The following SOX6 variants were observed in gnomAD, a reference collection of about 807,000 sequenced individuals.
SOX6 encodes SRY-box transcription factor 6, also known as transcription factor SOX-6.
Under a neutral mutation model 97.8 loss-of-function variants are expected in SOX6, and 11 were observed. The ratio of observed to expected loss-of-function variants is 0.11; its 90% CI spans 0.07 to 0.19. SOX6 has a LOEUF of 0.19. Ranked by LOEUF, SOX6 falls within the 10% of genes least tolerant of loss-of-function variation. The pLI is 1.00. For synonymous variants in SOX6, 360 were observed against 371.4 expected, an observed-to-expected ratio of 0.97 and a Z score of 0.35; for missense variants, 810 against 1,039.5, an observed-to-expected ratio of 0.78 and a Z score of 3.04.
At chr11:16,365,404 G>C (rs544684388) in intron 1 of SOX6, among the ~76,000 whole-genome samples, 2 of 151,930 alleles carry the variant, frequency 1.3e-5, no homozygotes, top group South Asian at 2.1e-4. Context: ...AGAGGGCTTA[G>C]AACTTCAGGG....
chr11:16,454,433 A>G (rs1859776898), intron 1 of SOX6, among the ~76,000 whole-genome samples: 1 of 152,064 alleles, frequency 6.6e-6, no homozygotes, highest in South Asian at 2.1e-4. Flanking sequence ...TCATTCATAA[A>G]ATATTCAAGC....
intron 2 of SOX6, among the ~76,000 whole-genome samples, chr11:16,338,205 C>T (rs190211793): frequency 4.6e-5 from 7 of 151,968 alleles, no homozygotes; most frequent in African/African-American, 7.2e-5. Flanking sequence ...CTATTTTTTG[C>T]GACTCTAAGT....
At chr11:16,278,631 A>T (rs1364208319) in intron 3 of SOX6, among the ~76,000 whole-genome samples, 2 of 151,956 alleles carry the variant, frequency 1.3e-5, no homozygotes, top group Non-Finnish European at 1.5e-5. Flanking sequence ...TCAAGTTTAG[A>T]GCTTGATTAA....
At chr11:16,341,428 T>C (rs1481803791) in intron 1 of SOX6, among the ~76,000 whole-genome samples, 176 bp from the exon 2 acceptor site, 1 of 152,138 alleles carries the variant, frequency 6.6e-6, no homozygotes, top group Non-Finnish European at 1.5e-5. Context: ...TTTCCCTCTT[T>C]GCTTTTAACT....
At chr11:16,271,257 T>C (rs1311210999) in intron 3 of SOX6, among the ~76,000 whole-genome samples, 1 of 151,558 alleles carries the variant, frequency 6.6e-6, no homozygotes, top group East Asian at 1.9e-4. Context: ...ATTAATGTGG[T>C]ATTTGATTAT....
intron 1 of SOX6, among the ~76,000 whole-genome samples, chr11:16,366,887 C>A (rs1016154058): frequency 2.0e-5 from 3 of 152,120 alleles, no homozygotes; most frequent in African/African-American, 7.2e-5. Flanking sequence ...TACAAGCCTT[C>A]ATCGAAGTGA....
intron 3 of SOX6, among the ~76,000 whole-genome samples, chr11:16,304,442 A>T (rs2134279033): frequency 6.6e-6 from 1 of 152,278 alleles, no homozygotes; most frequent in Admixed American, 6.5e-5. Context: ...AGAATGCAGC[A>T]ACAAGGCACT....
intron 9 of SOX6, among the ~76,000 whole-genome samples, chr11:16,070,016 G>A (rs920030123): frequency 4.6e-5 from 7 of 152,148 alleles, no homozygotes; most frequent in South Asian, 2.1e-4. Context: ...TTAGCCAGGC[G>A]TGGTGGCGGG....
At chr11:16,704,180 T>C (rs1848114589) in intron 3 of SOX6, among the ~76,000 whole-genome samples, 2 of 152,232 alleles carry the variant, frequency 1.3e-5, no homozygotes, top group Admixed American at 6.5e-5. Context: ...TTGTAATCAA[T>C]TCAGCTAAAA....
chr11:16,662,762 T>C (rs903466694), intron 3 of SOX6, among the ~76,000 whole-genome samples: 6 of 152,206 alleles, frequency 3.9e-5, no homozygotes, highest in African/African-American at 7.2e-5. Flanking sequence ...GGCATAATCA[T>C]GGTTCACTGC....
At chr11:16,680,785 C>CA (rs1192241299) in intron 3 of SOX6, among the ~76,000 whole-genome samples, 4 of 151,832 alleles carry the variant, frequency 2.6e-5, no homozygotes, top group Admixed American at 6.6e-5. Context: ...AAATGGAAAA[C>CA]AAAAAAACGC....
At chr11:16,260,989 G>A (rs755638578) in intron 3 of SOX6, among the ~76,000 whole-genome samples, 1 of 151,966 alleles carries the variant, frequency 6.6e-6, no homozygotes, top group Non-Finnish European at 1.5e-5. Context: ...TCCTCCCTCT[G>A]TCTGAAACAT....
At chr11:16,054,335 T>C (rs926161077) in intron 10 of SOX6, among the ~76,000 whole-genome samples, 1 of 152,160 alleles carries the variant, frequency 6.6e-6, no homozygotes, top group Non-Finnish European at 1.5e-5. Context: ...CTCTTATTCA[T>C]AAACACAAAC....
At chr11:16,474,018 T>A (rs575734214) in intron 1 of SOX6, among the ~76,000 whole-genome samples, 3 of 152,348 alleles carry the variant, frequency 2.0e-5, no homozygotes, top group Admixed American at 1.3e-4. Flanking sequence ...TACAGCATCT[T>A]TCACCAGGGT....
At chr11:16,564,404 A>T (rs1847846130) in intron 4 of SOX6, among the ~76,000 whole-genome samples, 1 of 152,188 alleles carries the variant, frequency 6.6e-6, no homozygotes, top group Non-Finnish European at 1.5e-5. Context: ...TCCAGTAGTC[A>T]AAGATTGATA....
At chr11:16,406,904 C>G (rs1470752855) in intron 1 of SOX6, among the ~76,000 whole-genome samples, 1 of 152,054 alleles carries the variant, frequency 6.6e-6, no homozygotes. Flanking sequence ...GAGAAAAATT[C>G]TTAAAAAGAT....
At chr11:16,500,985 A>G (rs1407285986) in intron 4 of SOX6, among the ~76,000 whole-genome samples, 2 of 152,238 alleles carry the variant, frequency 1.3e-5, no homozygotes, top group Admixed American at 6.5e-5. Flanking sequence ...GAACCAAAAA[A>G]GAGCCCACAT....
intron 3 of SOX6, among the ~76,000 whole-genome samples, chr11:16,657,727 A>G (rs189786488): frequency 5.8e-4 from 89 of 152,268 alleles, no homozygotes; most frequent in Admixed American, 9.8e-4. Flanking sequence ...TGCACTCCCT[A>G]GTGACATATG....
chr11:16,668,780 G>A (rs1847826449), intron 3 of SOX6, among the ~76,000 whole-genome samples: 1 of 152,050 alleles, frequency 6.6e-6, no homozygotes, highest in South Asian at 2.1e-4. Context: ...TAGATTTCAA[G>A]ACAAAAAGTA....
Sources: gnomAD v4.1 joint callset for allele counts (sites outside exome capture counted in the v4.1 genomes callset) on GRCh38, gnomAD v4.1.1 for gene constraint, MANE v1.5 for transcripts, NCBI Gene and HGNC (gene_info 2026-07-23, HGNC 2026-07-21) for gene names.